The following GMEB1 variants were observed in gnomAD, a reference collection of about 807,000 sequenced individuals.
The protein encoded by GMEB1 is glucocorticoid modulatory element-binding protein 1.
A neutral mutation model predicts 52.4 loss-of-function variants in GMEB1; 6 were observed. The ratio of observed to expected loss-of-function variants is 0.11; its 90% confidence interval spans 0.06 to 0.23. The LOEUF (loss-of-function observed/expected upper bound fraction) is 0.23. Ranked by LOEUF, GMEB1 falls within the 10% of genes least tolerant of loss-of-function variation. The pLI is 1.00. For synonymous variants in GMEB1, 255 were observed against 244.9 expected (o/e 1.04, Z -0.38); for missense variants, 486 against 685.6 (o/e 0.71, Z 3.25).
chr1:28,694,961 CTTTTTTTTTT>C (rs556692778), intron 5 of GMEB1, among the ~76,000 whole-genome samples: 1 of 105,492 alleles, frequency 9.5e-6, no homozygotes, highest in Non-Finnish European at 1.9e-5. Context: ...CGTGGCCAGC[CTTTTTTTTTT>C]TTTTTTTTTT....
intron 6 of GMEB1, among the ~76,000 whole-genome samples, chr1:28,699,921 A>G (rs1402639295): frequency 6.6e-6 from 1 of 151,730 alleles, no homozygotes; most frequent in African/African-American, 2.4e-5. Context: ...CAAAAAATAA[A>G]AAAATTAGCT....
At chr1:28,700,079 A>AG (rs1410018223) in intron 6 of GMEB1, among the ~76,000 whole-genome samples, 1 of 151,236 alleles carries the variant, frequency 6.6e-6, no homozygotes, top group Non-Finnish European at 1.5e-5. Context: ...AAAAAAAAAA[A>AG]AAGATCTTGG....
Position 28,714,759 on chromosome 1 carries a change from G to C in GMEB1, c.1678G>C (p.Val560Leu). 6.2e-7 allele frequency: 1 copy of C among 1,605,778 alleles called. No homozygotes were observed. Residue 560 changes from valine (V) to leucine (L), a missense_variant, in exon 10 of 10, where the codon GTC becomes CTC. Coordinates refer to ENST00000373816, the MANE Select transcript of GMEB1 (RefSeq NM_001319674.2). ...TCAAGTTCACAATGTGGAGATTGTG[G>C]TCTTAGAGGATTAACTGGGGATCTC... is the stretch of plus-strand genomic sequence containing the variant. ...QHQVHNVEIV[V>L]LED
intron 1 of GMEB1, among the ~76,000 whole-genome samples, chr1:28,675,813 G>T (rs1295362312): frequency 6.6e-6 from 1 of 152,182 alleles, no homozygotes; most frequent in African/African-American, 2.4e-5. Flanking sequence ...TGCCTCAGGA[G>T]TTTTTGTTGC....
chr1:28,694,064 C>T (rs1478155281), intron 5 of GMEB1, among the ~76,000 whole-genome samples: 1 of 151,310 alleles, frequency 6.6e-6, no homozygotes, highest in African/African-American at 2.4e-5. Context: ...ATGCTTATGA[C>T]AATTTGAAGG....
At chr1:28,680,060 G>A (rs2124470084) in intron 1 of GMEB1, among the ~76,000 whole-genome samples, 1 of 151,928 alleles carries the variant, frequency 6.6e-6, no homozygotes, top group East Asian at 2.0e-4. Context: ...CGCCTGCCTC[G>A]GCCTCCCAAA....
At chr1:28,693,099 A>T in intron 5 of GMEB1, 54 bp downstream of exon 5, 5 of 848,362 alleles carry the variant, frequency 5.9e-6, no homozygotes, top group Non-Finnish European at 9.2e-6. Flanking sequence ...GCACATAATC[A>T]TGCTAGAATC....
chr1:28,675,313 G>A (rs949244473), intron 1 of GMEB1, among the ~76,000 whole-genome samples: 10 of 150,650 alleles, frequency 6.6e-5, no homozygotes, highest in South Asian at 2.2e-4. Flanking sequence ...CACCGCGCCC[G>A]GCCCCACAAT....
rs559850192 is a variant in GMEB1 at position 28,695,989 on chromosome 1, G to A, written c.441-938G>A. ...AAAAAAAAAAATTTTCAGATGATTT[G>A]TATGCAGAAATTAGTAATCCAATGA... is the stretch of plus-strand genomic sequence containing the variant. On this transcript the variant is annotated intron_variant, in intron 5 of 9. Transcript: ENST00000373816. Among the ~76,000 whole-genome samples the A allele has an allele frequency of 2.1e-5, 3 of 139,878 alleles. No homozygotes were observed. In the Admixed American group the frequency reaches 2.3e-4, roughly 11 times the overall value. The allele number at this position is 139,878 out of a possible 152,430, so 91.8% of individuals were successfully genotyped here.
At chr1:28,687,961 G>A (rs1669764440) in intron 2 of GMEB1, among the ~76,000 whole-genome samples, 1 of 152,088 alleles carries the variant, frequency 6.6e-6, no homozygotes, top group Non-Finnish European at 1.5e-5. Flanking sequence ...TAGACATAAC[G>A]AATTCGACAA....
intron 9 of GMEB1, among the ~76,000 whole-genome samples, chr1:28,711,216 G>A (rs966401212): frequency 6.6e-6 from 1 of 151,600 alleles, no homozygotes; most frequent in African/African-American, 2.4e-5. Flanking sequence ...AACCCGGGAG[G>A]CGGAGGTTTC....
intron 9 of GMEB1, 109 bp downstream of exon 9, chr1:28,710,751 A>G (rs1671020174): frequency 1.5e-6 from 1 of 677,108 alleles, no homozygotes; most frequent in East Asian, 3.4e-5. Flanking sequence ...AAATAGTATC[A>G]GATTTTGCTT....
chr1:28,689,082 G>C (rs1669832113), intron 2 of GMEB1, among the ~76,000 whole-genome samples: 1 of 151,814 alleles, frequency 6.6e-6, no homozygotes, highest in Admixed American at 6.6e-5. Context: ...TAGAGACGGG[G>C]TTTCACCATG....
In GMEB1 at chr1:28,717,120, T is replaced by G. The variant is rs1671294733; in HGVS notation, c.*2347T>G. 1 of 151,776 alleles carries G rather than the reference T, an allele frequency of 6.6e-6. No individual in the cohort carries two copies. Among genetic ancestry groups the G allele is most frequent in the South Asian group, 2.1e-4 (1 of 4,822 alleles). 9.4% of individuals were successfully genotyped at this position (151,776 alleles called of 1,614,324 possible). On this transcript the variant is annotated 3_prime_UTR_variant, in exon 10 of 10. Transcript: ENST00000373816. ...GAAACCCCATCGAGCAAGTAAAAGT[T>G]GCATTCTCCATCCCTCAGATGGCTG...
At chr1:28,698,933 G>A (rs1166016060) in intron 6 of GMEB1, among the ~76,000 whole-genome samples, 22 of 152,016 alleles carry the variant, frequency 1.4e-4, no homozygotes, top group Admixed American at 1.2e-3. Flanking sequence ...GCAGTGAGCC[G>A]AGATCGTCCC....
chr1:28,705,706 C>T (rs985387006), intron 8 of GMEB1, among the ~76,000 whole-genome samples: 1 of 151,102 alleles, frequency 6.6e-6, no homozygotes, highest in Non-Finnish European at 1.5e-5. Flanking sequence ...CCGCCTCGGC[C>T]TCCCAAAGTG....
intron 2 of GMEB1, among the ~76,000 whole-genome samples, chr1:28,685,083 A>G (rs1001643286): frequency 5.9e-5 from 9 of 152,196 alleles, no homozygotes; most frequent in African/African-American, 1.9e-4. Flanking sequence ...AGAGGATATC[A>G]GGCAAGGCAA....
At chr1:28,676,683 G>A (rs370384819) in intron 1 of GMEB1, among the ~76,000 whole-genome samples, 1 of 151,060 alleles carries the variant, frequency 6.6e-6, no homozygotes, top group East Asian at 2.0e-4. Context: ...CGAGATCAGG[G>A]CGCTGCACTC....
chr1:28,709,328 A>G (rs566635555), intron 8 of GMEB1, among the ~76,000 whole-genome samples: 2 of 152,144 alleles, frequency 1.3e-5, no homozygotes, highest in South Asian at 2.1e-4. Flanking sequence ...AATAATAAAA[A>G]TAATAATCTT....
Sources: allele counts gnomAD v4.1 joint callset (sites outside exome capture counted in the v4.1 genomes callset), GRCh38; gene constraint gnomAD v4.1.1; transcripts MANE v1.5; gene names NCBI Gene and HGNC (gene_info 2026-07-23, HGNC 2026-07-21).